Variants in RBFOX1 observed in about 807,000 individuals in gnomAD.
The protein encoded by RBFOX1 is RNA binding protein fox-1 homolog 1.
A neutral mutation model predicts 57.7 loss-of-function variants in RBFOX1; 8 were observed. The ratio of observed to expected loss-of-function variants is 0.14; its 90% CI spans 0.08 to 0.25. RBFOX1 has a LOEUF of 0.25. RBFOX1 is among the 10% of genes least tolerant of loss of function. The pLI is 1.00. For missense variants in RBFOX1, 611 were observed against 548.5 expected, an observed-to-expected ratio of 1.11 and a Z score of -1.14; for synonymous variants, 326 against 222.4, an observed-to-expected ratio of 1.47 and a Z score of -4.15.
chr16:6,589,442 G>C (rs2097679147), intron 2 of RBFOX1, among the ~76,000 whole-genome samples: 1 of 152,208 alleles, frequency 6.6e-6, no homozygotes, highest in Non-Finnish European at 1.5e-5. Context: ...TGACTGGTCA[G>C]GTTGGAGATG....
At chr16:7,242,626 G>C (rs2094122225) in intron 4 of RBFOX1, among the ~76,000 whole-genome samples, 1 of 152,208 alleles carries the variant, frequency 6.6e-6, no homozygotes, top group Non-Finnish European at 1.5e-5. Flanking sequence ...GGTGACAGCT[G>C]CAGGATGCTC....
chr16:6,203,476 C>G lies in RBFOX1; in HGVS notation c.-126-113519C>G, dbSNP rs553304450. ...ACTGCATGTATGCCATTTTCTTTAT[C>G]CATTCATTGTTGATGGACATTTATG... On this transcript the variant is annotated intron_variant, in intron 1 of 15. Coordinates refer to ENST00000550418, the MANE Select transcript of RBFOX1 (RefSeq NM_018723.4). Among the ~76,000 whole-genome samples the G allele has an allele frequency of 3.7e-4, 56 of 152,252 alleles. 1 individual carries two copies. The South Asian group carries it at 0.011, about 30-fold the overall frequency.
At chr16:6,567,096 A>T (rs1260500359) in intron 2 of RBFOX1, among the ~76,000 whole-genome samples, 11 of 152,198 alleles carry the variant, frequency 7.2e-5, no homozygotes, top group Admixed American at 7.2e-4. Context: ...CTGATACTCT[A>T]TTAAATGAGC....
intron 4 of RBFOX1, among the ~76,000 whole-genome samples, chr16:7,237,936 G>A (rs1165831380): frequency 1.3e-5 from 2 of 152,204 alleles, no homozygotes; most frequent in Non-Finnish European, 2.9e-5. Context: ...CCCTGGAGAT[G>A]GAGGTTACAG....
chr16:5,686,362 G>A (rs1235839135), intron 3 of RBFOX1, among the ~76,000 whole-genome samples: 1 of 152,112 alleles, frequency 6.6e-6, no homozygotes, highest in African/African-American at 2.4e-5. Context: ...AGTTTTGGGT[G>A]GTTTGAATAT....
At chr16:7,657,577 T>C (rs1052268753) in intron 12 of RBFOX1, among the ~76,000 whole-genome samples, 1 of 152,242 alleles carries the variant, frequency 6.6e-6, no homozygotes. Flanking sequence ...AGTGCTGGGA[T>C]TATAGGCGTG....
chr16:6,904,447 A>G (rs953060786), intron 3 of RBFOX1, among the ~76,000 whole-genome samples: 6 of 151,828 alleles, frequency 4.0e-5, no homozygotes, highest in African/African-American at 7.3e-5. Flanking sequence ...CTGAAAGTAC[A>G]AAAATGAGCT....
intron 4 of RBFOX1, among the ~76,000 whole-genome samples, chr16:7,096,012 C>CAAAAAA (rs71408498): frequency 3.6e-4 from 40 of 111,308 alleles, no homozygotes; most frequent in East Asian, 5.2e-4. Context: ...GACTCTGTCT[C>CAAAAAA]AAAAAAAAAA....
At chr16:5,339,849 C>G (rs986342162) in intron 1 of RBFOX1, among the ~76,000 whole-genome samples, 3 of 152,006 alleles carry the variant, frequency 2.0e-5, no homozygotes, top group African/African-American at 7.2e-5. Context: ...GCTTTCCCAG[C>G]CCGGGGACTG....
chr16:7,313,121 A>C, intron 4 of RBFOX1, among the ~76,000 whole-genome samples: 1 of 152,028 alleles, frequency 6.6e-6, no homozygotes. Context: ...CATCCGGGCC[A>C]CTCCTGGAAT....
intron 2 of RBFOX1, among the ~76,000 whole-genome samples, chr16:6,500,574 C>A (rs926621188): frequency 2.6e-5 from 4 of 152,204 alleles, no homozygotes; most frequent in South Asian, 2.1e-4. Flanking sequence ...AGAGTCCCTT[C>A]CCTCAAGAAA....
At chr16:7,697,653 A>G (rs1034706755) in intron 14 of RBFOX1, among the ~76,000 whole-genome samples, 7 of 152,176 alleles carry the variant, frequency 4.6e-5, no homozygotes, top group Admixed American at 3.3e-4. Context: ...AGAAACATTT[A>G]GTAGCTTGCC....
chr16:7,291,884 A>G (rs931220868), intron 4 of RBFOX1, among the ~76,000 whole-genome samples: 1 of 85,482 alleles, frequency 1.2e-5, no homozygotes, highest in Non-Finnish European at 2.4e-5. Context: ...TATATATAAA[A>G]TATATAATGT....
chr16:6,472,654 C>T (rs1597735120), intron 2 of RBFOX1, among the ~76,000 whole-genome samples: 2 of 150,532 alleles, frequency 1.3e-5, no homozygotes, highest in East Asian at 3.9e-4. Context: ...AATGGAATCT[C>T]ACTTTGTTGC....
At chr16:7,070,746 A>G (rs981462731) in intron 4 of RBFOX1, among the ~76,000 whole-genome samples, 15 of 152,284 alleles carry the variant, frequency 9.9e-5, no homozygotes, top group African/African-American at 3.6e-4. Flanking sequence ...ATGTTTCCCA[A>G]AACTGGCCTT....
intron 2 of RBFOX1, among the ~76,000 whole-genome samples, chr16:6,430,031 C>T (rs2094033290): frequency 6.6e-6 from 1 of 151,946 alleles, no homozygotes; most frequent in African/African-American, 2.4e-5. Context: ...TTACTTGAAC[C>T]CAGGTGGTGG....
intron 4 of RBFOX1, among the ~76,000 whole-genome samples, chr16:7,186,121 A>G (rs1017204308): frequency 1.3e-5 from 2 of 151,900 alleles, no homozygotes; most frequent in African/African-American, 2.4e-5. Context: ...GATATGTACA[A>G]CCATTGTAAA....
intron 4 of RBFOX1, among the ~76,000 whole-genome samples, chr16:5,903,278 C>G (rs1385726616): frequency 1.3e-5 from 2 of 152,212 alleles, no homozygotes; most frequent in South Asian, 2.1e-4. Flanking sequence ...TATTTCACCA[C>G]TGCTTCGTCA....
At chr16:6,116,953 T>C (rs1261259592) in intron 1 of RBFOX1, among the ~76,000 whole-genome samples, 2 of 152,188 alleles carry the variant, frequency 1.3e-5, no homozygotes, top group East Asian at 3.9e-4. Flanking sequence ...GGTATTGGGA[T>C]AATCTCCGTT....
Sources: allele counts gnomAD v4.1 joint callset (sites outside exome capture counted in the v4.1 genomes callset), GRCh38; gene constraint gnomAD v4.1.1; transcripts MANE v1.5; gene names NCBI Gene and HGNC (gene_info 2026-07-23, HGNC 2026-07-21).